The following IFT88 variants were observed in gnomAD, a reference collection of about 807,000 sequenced individuals.
The protein encoded by IFT88 is intraflagellar transport protein 88 homolog.
IFT88 carries 74 observed loss-of-function variants against 119.5 expected under a neutral mutation model. The ratio of observed to expected loss-of-function variants is 0.62; its 90% CI spans 0.51 to 0.75. The LOEUF is 0.75. Ranked by LOEUF, IFT88 falls within the 30% of genes least tolerant of loss-of-function variation. IFT88 has a pLI of 0.00. For synonymous variants in IFT88, 279 were observed against 316.7 expected (o/e 0.88, Z 1.26); for missense variants, 961 against 977.7 (o/e 0.98, Z 0.23).
At chr13:20,664,574 T>C (rs1566412346) in intron 23 of IFT88, among the ~76,000 whole-genome samples, 2 of 152,116 alleles carry the variant, frequency 1.3e-5, no homozygotes, top group Non-Finnish European at 2.9e-5. Flanking sequence ...TTAAAAGATG[T>C]TTTGCTTTTC....
chr13:20,626,039 G>GTTTCT (rs1566249761), intron 15 of IFT88, among the ~76,000 whole-genome samples, 190 bp downstream of exon 15: 3 of 62,438 alleles, frequency 4.8e-5, no homozygotes, highest in Non-Finnish European at 9.2e-5. Flanking sequence ...CCTGTTTGTC[G>GTTTCT]TTTCTTTTTT....
chr13:20,626,319 C>G (rs2047329968), intron 15 of IFT88, among the ~76,000 whole-genome samples: 1 of 152,116 alleles, frequency 6.6e-6, no homozygotes, highest in Non-Finnish European at 1.5e-5. Flanking sequence ...CTCGGCCTCC[C>G]AAAGTGCTGG....
At position 20,682,895 on chromosome 13, in the gene IFT88, C is replaced by G. The variant is rs893598296; in HGVS notation, c.2243-7810C>G. ...TACCACAGGAATTGTAAATGCAAAC[C>G]GTTCACAGTCTTGCTCAGCTAAGGG... On this transcript the variant is annotated intron_variant, in intron 24 of 25. Transcript: ENST00000351808. 7.2e-5 allele frequency among the ~76,000 whole-genome samples: 11 copies of G among 152,280 alleles called. 2 individuals are homozygous for G. The South Asian group carries it at 2.3e-3, about 32-fold the overall frequency.
At position 20,615,824 on chromosome 13, in the gene IFT88, T is replaced by C; in HGVS notation, c.1144T>C (p.Ser382Pro). Residue 382 changes from serine (S) to proline (P), a missense_variant, in exon 14 of 26, where the codon TCT (serine) becomes CCT (proline). Transcript: ENST00000351808. ...KAMAEKYIMTSAKLIAPVIET... is the reference protein window; with the variant it reads ...KAMAEKYIMTPAKLIAPVIET... ...CATGGCAGAAAAATATATTATGACA[T>C]CTGCAAAACTCATTGCTCCTGTAAT... is the stretch of plus-strand genomic sequence containing the variant. The C allele has an allele frequency of 6.2e-7, 1 of 1,604,778 alleles. No homozygotes were observed. Among genetic ancestry groups the C allele is most frequent in the Non-Finnish European group, 8.5e-7 (1 of 1,176,456 alleles).
chr13:20,674,707 T>C (rs1470354585), intron 24 of IFT88, among the ~76,000 whole-genome samples: 1 of 33,358 alleles, frequency 3.0e-5, no homozygotes. Flanking sequence ...AAGTTTTATA[T>C]ATATATATAT....
At chr13:20,634,996 G>T (rs2048808978) in intron 16 of IFT88, among the ~76,000 whole-genome samples, 1 of 130,158 alleles carries the variant, frequency 7.7e-6, no homozygotes, top group South Asian at 2.3e-4. Flanking sequence ...TCGCCTTCCT[G>T]TGTCCATGTG....
At chr13:20,655,126 C>T (rs1044975304) in intron 21 of IFT88, among the ~76,000 whole-genome samples, 3 of 152,120 alleles carry the variant, frequency 2.0e-5, no homozygotes, top group African/African-American at 7.2e-5. Flanking sequence ...TTTCTATAAA[C>T]TTTCTAATGT....
intron 18 of IFT88, chr13:20,642,998 G>T (rs1203021772): frequency 7.1e-6 from 1 of 140,528 alleles, no homozygotes. Flanking sequence ...CGAAGACTTA[G>T]TAGGTACTAA....
intron 4 of IFT88, among the ~76,000 whole-genome samples, chr13:20,590,277 CTTATA>C (rs2040433652): frequency 6.6e-6 from 1 of 151,940 alleles, no homozygotes. Flanking sequence ...GTATTTGGGT[CTTATA>C]TTAGAAGCCT....
chr13:20,626,043 CT>C (rs528587128), intron 15 of IFT88, among the ~76,000 whole-genome samples, 194 bp downstream of exon 15: 3 of 39,572 alleles, frequency 7.6e-5, no homozygotes, highest in African/African-American at 1.2e-4. Context: ...TTTGTCGTTT[CT>C]TTTTTTTTTT....
chr13:20,660,952 A>G (rs1368054362), intron 22 of IFT88, among the ~76,000 whole-genome samples: 1 of 152,184 alleles, frequency 6.6e-6, no homozygotes, highest in Non-Finnish European at 1.5e-5. Context: ...ATATATTATC[A>G]GTAATACTTT....
Position 20,638,382 on chromosome 13 carries a change from TGATA to T in IFT88, c.1442_1445del (p.Arg481IlefsTer30). 1 of 1,489,746 alleles carries T rather than the reference TGATA, an allele frequency of 6.7e-7. No homozygotes were observed. Among genetic ancestry groups the T allele is most frequent in the East Asian group, 2.5e-5 (1 of 39,800 alleles). The allele number at this position is 1,489,746 out of a possible 1,614,324, so 92.3% of individuals were successfully genotyped here. A position where few individuals can be genotyped will look rare whatever the true frequency, so the allele number is the denominator to read the frequency against. ...GCTATGCAGATATAGCTGTGAACTC[TGATA>T]GATATAATCCAGCAGCTCTTACTAA... On this transcript the variant is annotated frameshift_variant, in exon 17 of 26. Transcript: ENST00000351808. LOFTEE classifies it high-confidence loss of function.
At chr13:20,568,820 A>T (rs1268247449) in intron 1 of IFT88, among the ~76,000 whole-genome samples, 2 of 151,990 alleles carry the variant, frequency 1.3e-5, no homozygotes, top group African/African-American at 4.8e-5. Flanking sequence ...TCCCGGGTTC[A>T]TGCCATTCTC....
rs571014261 is a variant in IFT88, at chr13:20,590,877, A to G, written c.211-90A>G. 39 of 867,758 alleles carry G rather than the reference A, an allele frequency of 4.5e-5. No individual in the cohort carries two copies. In the East Asian group the frequency reaches 5.7e-4, roughly 13 times the overall value. 53.8% of individuals were successfully genotyped at this position (867,758 alleles called of 1,614,324 possible). ...ATAAATTATGTTTGTTTATTTGCCG[A>G]TAGAATGAAGAAAACTTCTATAACT... On this transcript the variant is annotated intron_variant, in intron 4 of 25. Transcript: ENST00000351808.
chr13:20,569,109 G>A (rs2035643216), intron 1 of IFT88, among the ~76,000 whole-genome samples: 1 of 152,070 alleles, frequency 6.6e-6, no homozygotes, highest in Non-Finnish European at 1.5e-5. Flanking sequence ...TCTTCAAAAA[G>A]TAATGAGAAA....
intron 3 of IFT88, among the ~76,000 whole-genome samples, chr13:20,588,426 T>C (rs2040100713): frequency 6.6e-6 from 1 of 152,196 alleles, no homozygotes; most frequent in South Asian, 2.1e-4. Flanking sequence ...TCTTGGCTTT[T>C]GGTTAGGTAG....
At chr13:20,676,977 TCCTA>T (rs765037151) in intron 24 of IFT88, among the ~76,000 whole-genome samples, 26 of 152,208 alleles carry the variant, frequency 1.7e-4, no homozygotes, top group Non-Finnish European at 3.1e-4. Context: ...CTCTTTCCCT[TCCTA>T]CCTTTCTGCT....
At chr13:20,651,625 A>G (rs2051713811) in intron 20 of IFT88, among the ~76,000 whole-genome samples, 1 of 151,788 alleles carries the variant, frequency 6.6e-6, no homozygotes, top group African/African-American at 2.4e-5. Flanking sequence ...CCCTCAGTAA[A>G]GTACAATAAG....
At chr13:20,671,166 C>T (rs2055793184) in intron 24 of IFT88, 127 bp downstream of exon 24, 2 of 537,652 alleles carry the variant, frequency 3.7e-6, no homozygotes, top group South Asian at 4.0e-5. Context: ...CACAGTGAAA[C>T]TTCACATTAA....
Sources: allele counts gnomAD v4.1 joint callset (sites outside exome capture counted in the v4.1 genomes callset), GRCh38; gene constraint gnomAD v4.1.1; transcripts MANE v1.5; gene names NCBI Gene and HGNC (gene_info 2026-07-23, HGNC 2026-07-21).